Variants in PCLO observed in about 807,000 individuals in gnomAD.
The protein encoded by PCLO is piccolo presynaptic cytomatrix protein, also known as protein piccolo.
Under a neutral mutation model 427.5 loss-of-function variants are expected in PCLO, and 82 were observed. The observed-to-expected ratio is 0.19, with a 90% CI of 0.16 to 0.23. The LOEUF is 0.23. Among genes scored for constraint, PCLO ranks in the 10% least tolerant of loss-of-function variants. The pLI is 1.00. For missense variants in PCLO, 6,239 were observed against 6,115.9 expected (o/e 1.02, Z -0.67); for synonymous variants, 2,357 against 2,155.4 (o/e 1.09, Z -2.59).
rs534123498 is a variant in PCLO at position 83,147,107 on chromosome 7, T to C, written c.1893+7641A>G. ...GCTTTGGTTCCAATGATTAAACTTA[T>C]GTATGTATATAATATTAATATTACA... On this transcript the variant is annotated intron_variant, in intron 2 of 24. Coordinates refer to ENST00000333891, the MANE Select transcript of PCLO (RefSeq NM_033026.6). Among the ~76,000 whole-genome samples, 97 of 151,174 alleles carry C rather than the reference T, an allele frequency of 6.4e-4. No individual in the cohort carries two copies. The South Asian group carries it at 0.012, about 19-fold the overall frequency.
At chr7:82,920,021 G>T (rs1794560314) in intron 6 of PCLO, among the ~76,000 whole-genome samples, 1 of 151,450 alleles carries the variant, frequency 6.6e-6, no homozygotes, top group Admixed American at 6.6e-5. Flanking sequence ...AGGACAGACA[G>T]AAATACAATA....
At chr7:82,933,529 G>T (rs1291024073) in intron 6 of PCLO, among the ~76,000 whole-genome samples, 1 of 151,794 alleles carries the variant, frequency 6.6e-6, no homozygotes, top group Non-Finnish European at 1.5e-5. Flanking sequence ...TATGGCTAAA[G>T]CAACAAATGC....
At chr7:82,997,890 A>G (rs1004764028) in intron 3 of PCLO, among the ~76,000 whole-genome samples, 3 of 152,082 alleles carry the variant, frequency 2.0e-5, no homozygotes, top group South Asian at 2.1e-4. Context: ...TGTCATTTAA[A>G]GATACTGGCT....
chr7:82,824,808 G>T (rs868327564), intron 18 of PCLO, among the ~76,000 whole-genome samples: 3 of 151,848 alleles, frequency 2.0e-5, no homozygotes, highest in Middle Eastern at 3.4e-3. Flanking sequence ...AATTAGCTGG[G>T]CGTGGTGGCG....
chr7:82,822,495 T>C lies in PCLO; in HGVS notation c.14791A>G (p.Thr4931Ala). Residue 4931 changes from threonine to alanine, a missense_variant and splice_region_variant, in exon 20 of 25, where the codon ACA becomes GCA. Transcript: ENST00000333891. ...TGAGGAATTTATTTGCGTCTTTTAC[T>C]TGGTTGAATGCGGAGTTGTTGCACG... Reference protein sequence around the residue: ...AAVQQLRIQPTKPPNHRPAES... With the variant: ...AAVQQLRIQPAKPPNHRPAES... 6.2e-7 allele frequency: 1 copy of C among 1,613,918 alleles called. No individual in the cohort carries two copies.
intron 3 of PCLO, among the ~76,000 whole-genome samples, chr7:83,078,934 C>T (rs28728287): frequency 0.025 from 3,734 of 152,134 alleles, 166 homozygotes; most frequent in African/African-American, 0.085. Flanking sequence ...ATACAACTAT[C>T]TTAAACATTG....
At chr7:82,801,117 C>T (rs909327619) in intron 22 of PCLO, among the ~76,000 whole-genome samples, 1 of 148,796 alleles carries the variant, frequency 6.7e-6, no homozygotes, top group Non-Finnish European at 1.5e-5. Context: ...TTCTCAGCTT[C>T]GTATATTTAA....
chr7:82,893,106 A>G (rs568110538), intron 9 of PCLO, among the ~76,000 whole-genome samples: 1 of 152,248 alleles, frequency 6.6e-6, no homozygotes, highest in African/African-American at 2.4e-5. Flanking sequence ...TCATGCTGCT[A>G]TAAAGACACA....
intron 3 of PCLO, among the ~76,000 whole-genome samples, chr7:83,018,873 T>C: frequency 6.6e-6 from 1 of 152,056 alleles, no homozygotes; most frequent in African/African-American, 2.4e-5. Flanking sequence ...TTCTGTGTTT[T>C]ACACATTACC....
chr7:82,979,101 C>A (rs1001452933), intron 3 of PCLO, among the ~76,000 whole-genome samples: 2 of 152,074 alleles, frequency 1.3e-5, no homozygotes, highest in African/African-American at 4.8e-5. Context: ...TGATTGTTGG[C>A]ATCTGTTTTA....
rs543587611 is a variant in PCLO, at chr7:82,914,757, C to T, written c.13229G>A (p.Arg4410Gln). ...EVQQHMREES[R>Q]TRGYDRDIAF... Reference sequence around the variant, plus strand: ...TATGTCACGGTCATAGCCTCGAGTCCGTGATTCTTCCCTCATGTGTTGCTG... The same window carrying T: ...TATGTCACGGTCATAGCCTCGAGTCTGTGATTCTTCCCTCATGTGTTGCTG... The change falls in exon 7 of 25, where the codon CGG becomes CAG. Residue 4410 changes from arginine to glutamine, a missense_variant. By Grantham distance (43) the Arg-to-Gln change is conservative (BLOSUM62 1). Transcript: ENST00000333891. The T allele has an allele frequency of 1.2e-5, 20 of 1,613,274 alleles. No homozygotes were observed. The Admixed American group carries it at 1.5e-4, about 12-fold the overall frequency.
At chr7:82,978,175 C>G (rs548830513) in intron 3 of PCLO, among the ~76,000 whole-genome samples, 4 of 150,270 alleles carry the variant, frequency 2.7e-5, no homozygotes, top group Non-Finnish European at 5.9e-5. Flanking sequence ...CCCACCCCCC[C>G]GGCAAAAACT....
chr7:82,779,381 A>G (rs764520229), intron 22 of PCLO, among the ~76,000 whole-genome samples: 3 of 152,118 alleles, frequency 2.0e-5, no homozygotes, highest in Non-Finnish European at 4.4e-5. Flanking sequence ...GTGAGATCCA[A>G]CTTTAGATGC....
In PCLO at chr7:83,020,534, A is replaced by G. The variant is rs61648142; in HGVS notation, c.3301-54047T>C. Reference sequence around the variant, plus strand: ...CCCACTTTCTGCCATGTGAGGGCATAGCGTTTTGTCTCTTTTGGCCTCCTG... The same window carrying G: ...CCCACTTTCTGCCATGTGAGGGCATGGCGTTTTGTCTCTTTTGGCCTCCTG... On this transcript the variant is annotated intron_variant, in intron 3 of 24. Transcript: ENST00000333891. Among the ~76,000 whole-genome samples, 466 of 152,254 alleles carry G rather than the reference A, an allele frequency of 3.1e-3. 2 individuals carry two copies. The highest frequency in any genetic ancestry group is 0.011 in the African/African-American group (447 of 41,562).
intron 3 of PCLO, among the ~76,000 whole-genome samples, chr7:83,049,744 A>T (rs976579438): frequency 3.9e-5 from 6 of 152,090 alleles, no homozygotes; most frequent in African/African-American, 1.4e-4. Context: ...ACTATAAACT[A>T]AATTCCTTCC....
chr7:83,142,261 A>G (rs1490866859), intron 2 of PCLO, among the ~76,000 whole-genome samples: 1 of 152,214 alleles, frequency 6.6e-6, no homozygotes, highest in African/African-American at 2.4e-5. Flanking sequence ...CAGCTGTTAA[A>G]TAAATTTTCT....
chr7:82,827,669 C>T (rs1791978194), intron 17 of PCLO, among the ~76,000 whole-genome samples: 2 of 151,966 alleles, frequency 1.3e-5, no homozygotes, highest in South Asian at 4.1e-4. Context: ...GTTTTGGCTG[C>T]TTTGTCAAAA....
intron 6 of PCLO, among the ~76,000 whole-genome samples, chr7:82,925,380 AG>A (rs1399113608): frequency 6.6e-6 from 1 of 152,124 alleles, no homozygotes; most frequent in African/African-American, 2.4e-5. Flanking sequence ...GGCAGGCATA[AG>A]GCTACAAATT....
chr7:83,132,362 G>A (rs1435888336), intron 3 of PCLO, among the ~76,000 whole-genome samples: 1 of 152,142 alleles, frequency 6.6e-6, no homozygotes, highest in Non-Finnish European at 1.5e-5. Flanking sequence ...CATCTAACCT[G>A]TCTAAATACT....
Sources: gnomAD v4.1 joint callset for allele counts (sites outside exome capture counted in the v4.1 genomes callset) on GRCh38, gnomAD v4.1.1 for gene constraint, MANE v1.5 for transcripts, NCBI Gene and HGNC (gene_info 2026-07-23, HGNC 2026-07-21) for gene names.